The following SMAP1 variants were observed in gnomAD, a reference collection of about 807,000 sequenced individuals.
The protein encoded by SMAP1 is small ArfGAP 1.
In SMAP1, 24 loss-of-function variants were observed where a neutral mutation model predicts 58.5. The observed-to-expected ratio is 0.41, with a 90% CI of 0.30 to 0.58. The LOEUF is 0.58. SMAP1 is among the 20% of genes least tolerant of loss of function. The pLI is 0.29. For synonymous variants in SMAP1, 216 were observed against 196.6 expected (o/e 1.10, Z -0.82); for missense variants, 563 against 566.3 (o/e 0.99, Z 0.06).
At position 70,861,789 on chromosome 6, in the gene SMAP1, T is replaced by C. The variant is rs1365424435; in HGVS notation, c.*1455T>C. On this transcript the variant is annotated 3_prime_UTR_variant, in exon 11 of 11. Coordinates refer to ENST00000370455, the MANE Select transcript of SMAP1 (RefSeq NM_001044305.3). ...AATAGCTTGGGTAGCGCACTCTTCA[T>C]GGTGACACTCGAGGTCGGGCAGCAC... 6.2e-7 allele frequency: 1 copy of C among 1,614,068 alleles called. No homozygotes were observed.
At chr6:70,815,365 G>A (rs980448491) in intron 6 of SMAP1, among the ~76,000 whole-genome samples, 2 of 152,260 alleles carry the variant, frequency 1.3e-5, no homozygotes, top group Admixed American at 6.5e-5. Flanking sequence ...CAGTCCAATT[G>A]TGTAAGTTAC....
chr6:70,794,732 C>T (rs961801428), intron 5 of SMAP1, among the ~76,000 whole-genome samples: 2 of 151,320 alleles, frequency 1.3e-5, no homozygotes, highest in Admixed American at 1.3e-4. Flanking sequence ...GACACGAACT[C>T]TTCCTTTTTT....
intron 1 of SMAP1, among the ~76,000 whole-genome samples, chr6:70,695,395 T>G (rs1330720367): frequency 3.3e-5 from 5 of 152,182 alleles, no homozygotes; most frequent in East Asian, 1.9e-4. Flanking sequence ...TTTTCCCCAT[T>G]CAGTATGATA....
chr6:70,805,080 T>G (rs530076913), intron 6 of SMAP1, among the ~76,000 whole-genome samples: 8 of 152,302 alleles, frequency 5.3e-5, no homozygotes, highest in Admixed American at 3.3e-4. Flanking sequence ...TCCTGGATAA[T>G]ATCCTGAAGA....
At chr6:70,747,683 G>A (rs1044980829) in intron 2 of SMAP1, among the ~76,000 whole-genome samples, 8 of 152,162 alleles carry the variant, frequency 5.3e-5, no homozygotes, top group Admixed American at 1.3e-4. Flanking sequence ...TAGAGTGAAA[G>A]TGATGGTTTA....
At chr6:70,811,007 A>C (rs1415868933) in intron 6 of SMAP1, among the ~76,000 whole-genome samples, 2 of 152,218 alleles carry the variant, frequency 1.3e-5, no homozygotes, top group Non-Finnish European at 2.9e-5. Context: ...ACAACTGTGT[A>C]ATAACTTCTT....
At chr6:70,745,570 A>G (rs1307439639) in intron 2 of SMAP1, among the ~76,000 whole-genome samples, 2 of 152,200 alleles carry the variant, frequency 1.3e-5, no homozygotes, top group Non-Finnish European at 2.9e-5. Flanking sequence ...TGTTTTGGTT[A>G]CTGTAGCCTT....
intron 2 of SMAP1, among the ~76,000 whole-genome samples, chr6:70,734,044 T>C (rs920749777): frequency 1.3e-5 from 2 of 152,172 alleles, no homozygotes; most frequent in Non-Finnish European, 2.9e-5. Context: ...AAAACAGTTA[T>C]TAAATAATAA....
chr6:70,746,421 T>A (rs996142138), intron 2 of SMAP1, among the ~76,000 whole-genome samples: 1 of 152,204 alleles, frequency 6.6e-6, no homozygotes, highest in African/African-American at 2.4e-5. Flanking sequence ...CTGCATCTGT[T>A]GAGATAATCA....
At chr6:70,689,669 A>G (rs200771255) in intron 1 of SMAP1, among the ~76,000 whole-genome samples, 3 of 152,336 alleles carry the variant, frequency 2.0e-5, no homozygotes, top group East Asian at 3.9e-4. Context: ...GAGAATTGAC[A>G]TCTTTTAATA....
intron 1 of SMAP1, among the ~76,000 whole-genome samples, chr6:70,717,107 G>C (rs1342729429): frequency 6.6e-6 from 1 of 152,164 alleles, no homozygotes; most frequent in Non-Finnish European, 1.5e-5. Flanking sequence ...TAATTAGGGT[G>C]TGCCAAGTTC....
chr6:70,729,385 G>T (rs1036602162), intron 1 of SMAP1, among the ~76,000 whole-genome samples: 3 of 150,610 alleles, frequency 2.0e-5, no homozygotes, highest in Non-Finnish European at 4.4e-5. Context: ...CTTGCAGTGA[G>T]CCGAGATCAC....
intron 3 of SMAP1, among the ~76,000 whole-genome samples, chr6:70,770,815 G>A (rs1181789229): frequency 6.6e-6 from 1 of 152,214 alleles, no homozygotes; most frequent in Non-Finnish European, 1.5e-5. Context: ...TTTGGAGGAC[G>A]AGAGGTGCTC....
In SMAP1 at chr6:70,857,801, C is replaced by G; in HGVS notation, c.962-121C>G. 3.5e-6 allele frequency: 4 copies of G among 1,133,878 alleles called. No individual in the cohort carries two copies. In the South Asian group the frequency reaches 4.6e-5, roughly 13 times the overall value. The allele number at this position is 1,133,878 out of a possible 1,614,324, so 70.2% of individuals were successfully genotyped here. Reference sequence around the variant, plus strand: ...GGTTGGTCTGAGTAGTAGGAGCAGCCAAACTGGAATTAAAATGTTTGCTGT... The same window carrying G: ...GGTTGGTCTGAGTAGTAGGAGCAGCGAAACTGGAATTAAAATGTTTGCTGT... On this transcript the variant is annotated intron_variant, in intron 9 of 10. Transcript: ENST00000370455.
At chr6:70,839,236 CT>C (rs996145961) in intron 7 of SMAP1, among the ~76,000 whole-genome samples, 2 of 152,272 alleles carry the variant, frequency 1.3e-5, no homozygotes, top group African/African-American at 4.8e-5. Context: ...TTGCAGGGCA[CT>C]TTTTACCAGC....
chr6:70,836,555 G>A (rs1320315344), intron 6 of SMAP1, among the ~76,000 whole-genome samples: 1 of 152,062 alleles, frequency 6.6e-6, no homozygotes, highest in Non-Finnish European at 1.5e-5. Flanking sequence ...TGGGAATTAC[G>A]GGATCTACAA....
intron 3 of SMAP1, among the ~76,000 whole-genome samples, chr6:70,769,274 G>A (rs1398092426): frequency 6.6e-6 from 1 of 152,122 alleles, no homozygotes; most frequent in Non-Finnish European, 1.5e-5. Flanking sequence ...AGTCCGCTTG[G>A]TGCAGAGCTG....
chr6:70,685,151 A>G (rs1415142657), intron 1 of SMAP1, among the ~76,000 whole-genome samples: 1 of 152,028 alleles, frequency 6.6e-6, no homozygotes. Flanking sequence ...TTGAGCACTC[A>G]TTCACTTTAT....
chr6:70,772,496 CAGGCTTT>C (rs1479726796), intron 3 of SMAP1, among the ~76,000 whole-genome samples: 1 of 152,094 alleles, frequency 6.6e-6, no homozygotes, highest in African/African-American at 2.4e-5. Flanking sequence ...AAGGAGTCTT[CAGGCTTT>C]ACCTGAGTAC....
Sources: gnomAD v4.1 joint callset for allele counts (sites outside exome capture counted in the v4.1 genomes callset) on GRCh38, gnomAD v4.1.1 for gene constraint, MANE v1.5 for transcripts, NCBI Gene and HGNC (gene_info 2026-07-23, HGNC 2026-07-21) for gene names.